The following CABIN1 variants were observed in gnomAD, a reference collection of about 807,000 sequenced individuals.
CABIN1 encodes the protein calcineurin-binding protein cabin-1.
Under a neutral mutation model 227.7 loss-of-function variants are expected in CABIN1, and 133 were observed. That is an observed-to-expected ratio of 0.58 (90% CI 0.51 to 0.67). The LOEUF (loss-of-function observed/expected upper bound fraction) is 0.67, where lower values mean the gene tolerates loss of function less well. Among genes scored for constraint, CABIN1 ranks in the 30% least tolerant of loss-of-function variants. CABIN1 has a pLI of 0.00. For synonymous variants in CABIN1, 1,086 were observed against 1,155.1 expected, an observed-to-expected ratio of 0.94 and a Z score of 1.21; for missense variants, 2,408 against 2,852.5, an observed-to-expected ratio of 0.84 and a Z score of 3.55.
intron 6 of CABIN1, among the ~76,000 whole-genome samples, chr22:24,047,561 C>T (rs115352537): frequency 0.014 from 2,085 of 152,324 alleles, 45 homozygotes; most frequent in African/African-American, 0.047. Context: ...TATTGAGCAG[C>T]GTGGACTGTG....
In CABIN1 at chr22:24,035,498, A is replaced by G; in HGVS notation, c.-20A>G. The stretch of plus-strand genomic sequence containing the variant: ...AGTGATGAGAAGTGATGCTCGTGGC[A>G]GTGCTGAATCTCTCTGAATATGGTA... On this transcript the variant is annotated 5_prime_UTR_variant, in exon 2 of 37. Coordinates refer to ENST00000263119, the MANE Select transcript of CABIN1 (RefSeq NM_012295.4). The G allele has an allele frequency of 6.2e-7, 1 of 1,614,172 alleles. No homozygotes were observed. The highest frequency in any genetic ancestry group is 8.5e-7 in the Non-Finnish European group (1 of 1,180,022).
intron 26 of CABIN1, among the ~76,000 whole-genome samples, chr22:24,112,231 A>G (rs1054501883): frequency 2.0e-5 from 3 of 152,196 alleles, no homozygotes; most frequent in African/African-American, 7.2e-5. Flanking sequence ...AATAAGTAAT[A>G]TTTATGCCTG....
intron 1 of CABIN1, among the ~76,000 whole-genome samples, chr22:24,013,349 A>T (rs574009710): frequency 1.3e-5 from 2 of 151,686 alleles, no homozygotes; most frequent in East Asian, 3.9e-4. Flanking sequence ...GGCGCCTCTC[A>T]CCATACCCTG....
intron 29 of CABIN1, among the ~76,000 whole-genome samples, chr22:24,163,675 C>A (rs2046285283): frequency 6.6e-6 from 1 of 152,198 alleles, no homozygotes; most frequent in East Asian, 1.9e-4. Context: ...TTTCCCCACA[C>A]CCTGCCTGGA....
intron 24 of CABIN1, among the ~76,000 whole-genome samples, chr22:24,095,242 G>C (rs2041817050): frequency 6.6e-6 from 1 of 152,256 alleles, no homozygotes; most frequent in African/African-American, 2.4e-5. Context: ...GTGGGAGCCT[G>C]CCTCACACCC....
intron 1 of CABIN1, among the ~76,000 whole-genome samples, chr22:24,023,432 A>G (rs1339798527): frequency 1.3e-5 from 2 of 152,234 alleles, no homozygotes; most frequent in Non-Finnish European, 2.9e-5. Context: ...TAGCAATTCC[A>G]TGTCTGACTT....
chr22:24,129,704 A>C (rs1183994912), intron 28 of CABIN1, among the ~76,000 whole-genome samples: 1 of 152,256 alleles, frequency 6.6e-6, no homozygotes, highest in African/African-American at 2.4e-5. Flanking sequence ...TCTGCGAGTC[A>C]GTGGAAAGGC....
intron 29 of CABIN1, among the ~76,000 whole-genome samples, chr22:24,157,601 CGGTT>C (rs2045914444): frequency 6.6e-6 from 1 of 152,248 alleles, no homozygotes; most frequent in South Asian, 2.1e-4. Context: ...CCTGTGAAGA[CGGTT>C]GGCCCCAGGA....
intron 4 of CABIN1, 69 bp from the exon 5 acceptor site, chr22:24,041,070 A>G: frequency 3.1e-6 from 5 of 1,604,602 alleles, no homozygotes; most frequent in Non-Finnish European, 3.4e-6. Flanking sequence ...CCTGGAAGCC[A>G]AGTATCCTGC....
intron 28 of CABIN1, among the ~76,000 whole-genome samples, chr22:24,125,774 G>T (rs1019712660): frequency 6.6e-6 from 1 of 152,242 alleles, no homozygotes; most frequent in South Asian, 2.1e-4. Flanking sequence ...AACCAGCCAG[G>T]TTCTTGTCAA....
At chr22:24,166,604 A>G in intron 31 of CABIN1, 35 bp from the exon 32 acceptor site, 1 of 1,612,498 alleles carries the variant, frequency 6.2e-7, no homozygotes, top group East Asian at 2.2e-5. Flanking sequence ...TGGAGACACC[A>G]GCGACACAGC....
intron 26 of CABIN1, among the ~76,000 whole-genome samples, chr22:24,099,147 A>G (rs1014321421): frequency 1.3e-5 from 2 of 152,174 alleles, no homozygotes; most frequent in Non-Finnish European, 2.9e-5. Flanking sequence ...GGGGGGGGCC[A>G]CCACCTTCGC....
intron 27 of CABIN1, among the ~76,000 whole-genome samples, chr22:24,114,419 T>A (rs1418356999): frequency 1.3e-5 from 2 of 152,198 alleles, no homozygotes; most frequent in African/African-American, 4.8e-5. Context: ...CACGTGTTCC[T>A]CAAACAGTAA....
chr22:24,094,089 G>A (rs1276977236), intron 24 of CABIN1, among the ~76,000 whole-genome samples: 1 of 152,142 alleles, frequency 6.6e-6, no homozygotes, highest in African/African-American at 2.4e-5. Flanking sequence ...CTTTGGGGGT[G>A]AGAAGGGTAA....
chr22:24,169,656 G>T (rs755552564), intron 33 of CABIN1, among the ~76,000 whole-genome samples: 1 of 152,214 alleles, frequency 6.6e-6, no homozygotes, highest in Non-Finnish European at 1.5e-5. Flanking sequence ...AGTGCTGGGC[G>T]CAGGCCCAGG....
rs765378640 is a variant in CABIN1, at chr22:24,091,626, G to C, written c.3569G>C (p.Cys1190Ser). ...AGCATGCTAGAGACAGCCAAGCACT[G>C]TTTCACATCAGCAGCCCGCTGCGAG... The part of the protein sequence containing the change: ...RDSMLETAKH[C>S]FTSAARCEGD... Residue 1190 changes from cysteine to serine, a missense_variant, in exon 24 of 37, where the codon TGT becomes TCT. Physicochemically the swap from Cys to Ser is moderately radical, Grantham distance 112 (BLOSUM62 -1). Coordinates refer to ENST00000263119, the MANE Select transcript of CABIN1 (RefSeq NM_012295.4). 33 of 1,614,236 alleles carry C rather than the reference G, an allele frequency of 2.0e-5. No individual in the cohort carries two copies. Among genetic ancestry groups the C allele is most frequent in the South Asian group, 4.4e-5 (4 of 91,090 alleles).
chr22:24,028,068 A>G (rs2036228033), intron 1 of CABIN1, among the ~76,000 whole-genome samples: 1 of 152,164 alleles, frequency 6.6e-6, no homozygotes, highest in Admixed American at 6.5e-5. Flanking sequence ...TTCCCAGTAC[A>G]TATAAAAGTT....
At chr22:24,108,476 G>C (rs1294187400) in intron 26 of CABIN1, among the ~76,000 whole-genome samples, 1 of 152,232 alleles carries the variant, frequency 6.6e-6, no homozygotes, top group African/African-American at 2.4e-5. Flanking sequence ...TCAGGGAAGA[G>C]CCTTTCACAA....
intron 1 of CABIN1, among the ~76,000 whole-genome samples, chr22:24,024,549 G>A (rs1280754419): frequency 6.6e-6 from 1 of 152,148 alleles, no homozygotes; most frequent in East Asian, 1.9e-4. Flanking sequence ...GGATATGTAT[G>A]TTAATGTCTT....
Sources: gnomAD v4.1 joint callset for allele counts (sites outside exome capture counted in the v4.1 genomes callset) on GRCh38, gnomAD v4.1.1 for gene constraint, MANE v1.5 for transcripts, NCBI Gene and HGNC (gene_info 2026-07-23, HGNC 2026-07-21) for gene names.